Variants in BMF observed in about 807,000 individuals in gnomAD.
The protein encoded by BMF is Bcl2 modifying factor, also known as bcl-2-modifying factor.
BMF carries 10 observed loss-of-function variants against 22.0 expected under a neutral mutation model. That is an observed-to-expected ratio of 0.45 (90% CI 0.28 to 0.77). The LOEUF (loss-of-function observed/expected upper bound fraction) is 0.77. BMF is among the 30% of genes least tolerant of loss of function. The pLI, the probability that BMF is intolerant of heterozygous loss-of-function variation, is 0.13. For missense variants in BMF, 206 were observed against 226.8 expected (o/e 0.91, Z 0.59); for synonymous variants, 87 against 88.1 (o/e 0.99, Z 0.07).
At chr15:40,105,043 G>T (rs888151786) in intron 3 of BMF, among the ~76,000 whole-genome samples, 3 of 152,138 alleles carry the variant, frequency 2.0e-5, no homozygotes, top group Non-Finnish European at 4.4e-5. Context: ...TCAGACTCCC[G>T]CCAGAACTGC....
chr15:40,094,554 G>A (rs1003148015), intron 4 of BMF, among the ~76,000 whole-genome samples: 17 of 152,222 alleles, frequency 1.1e-4, no homozygotes, highest in Middle Eastern at 3.4e-3. Flanking sequence ...TTCTCTCTTG[G>A]CTTATAAGGA....
chr15:40,090,866 C>T lies in BMF; in HGVS notation c.*921G>A, dbSNP rs780255669. 1 of 152,264 alleles carries T rather than the reference C, an allele frequency of 6.6e-6. No homozygotes were observed. Among genetic ancestry groups the T allele is most frequent in the African/African-American group, 2.4e-5 (1 of 41,432 alleles). The allele number at this position is 152,264 out of a possible 1,614,324, so 9.4% of individuals were successfully genotyped here. Reference sequence around the variant, plus strand: ...TCCGGCCCCACTGCAAACTTGCCCCCGATGTCCCTCAGTGCCGATGTTGGG... The same window carrying T: ...TCCGGCCCCACTGCAAACTTGCCCCTGATGTCCCTCAGTGCCGATGTTGGG... On this transcript the variant is annotated 3_prime_UTR_variant, in exon 5 of 5. Coordinates refer to ENST00000354670, the MANE Select transcript of BMF (RefSeq NM_001003940.2).
At chr15:40,099,684 C>T (rs902300952) in intron 4 of BMF, among the ~76,000 whole-genome samples, 5 of 147,604 alleles carry the variant, frequency 3.4e-5, no homozygotes, top group Non-Finnish European at 7.4e-5. Context: ...GAGGCTGAGG[C>T]AGGACAATCA....
Position 40,106,098 on chromosome 15 carries a change from G to C in BMF, c.-5-7C>G. ...TGAGATGGCTCCATCTCTCCTGTGA[G>C]GGGGCAACGCAGGCATCTGGGCTGC... On this transcript the variant is annotated splice_polypyrimidine_tract_variant and splice_region_variant and intron_variant, in intron 2 of 4. Coordinates refer to ENST00000354670, the MANE Select transcript of BMF (RefSeq NM_001003940.2). The surrounding 1 kb of genome is among the most constrained non-coding windows in gnomAD (Gnocchi z 4.1). 1 of 1,583,758 alleles carries C rather than the reference G, an allele frequency of 6.3e-7. No homozygotes were observed. The highest frequency in any genetic ancestry group is 2.2e-5 in the East Asian group (1 of 44,526).
intron 4 of BMF, among the ~76,000 whole-genome samples, chr15:40,095,024 C>A (rs78978434): frequency 3.3e-5 from 5 of 152,192 alleles, no homozygotes; most frequent in Non-Finnish European, 7.3e-5. Flanking sequence ...CTCTCCAACC[C>A]TAAGGAGTTT....
intron 3 of BMF, among the ~76,000 whole-genome samples, chr15:40,105,448 G>T (rs1387876442): frequency 6.6e-6 from 1 of 152,148 alleles, no homozygotes; most frequent in African/African-American, 2.4e-5. Context: ...ATTGTCAACA[G>T]CCAGTCACAG....
chr15:40,103,387 G>A lies in BMF; in HGVS notation c.453+793C>T, dbSNP rs150736909. Among the ~76,000 whole-genome samples the A allele has an allele frequency of 2.0e-3, 310 of 152,360 alleles. 1 individual carries two copies. The highest frequency in any genetic ancestry group is 7.3e-3 in the African/African-American group (303 of 41,580). The stretch of plus-strand genomic sequence containing the variant: ...CCAGAAAGCCAGCCCGAAGAGGAAG[G>A]GTTAAGTGCCTGGGGACCCAGCCCA... On this transcript the variant is annotated intron_variant, in intron 4 of 4. Coordinates refer to ENST00000354670, the MANE Select transcript of BMF (RefSeq NM_001003940.2).
At position 40,091,458 on chromosome 15, in the gene BMF, T is replaced by C. The variant is rs1234884812; in HGVS notation, c.*329A>G. 2 of 228,312 alleles carry C rather than the reference T, an allele frequency of 8.8e-6. No homozygotes were observed. The highest frequency in any genetic ancestry group is 8.7e-6 in the Non-Finnish European group (1 of 115,508). The allele number at this position is 228,312 out of a possible 1,614,324, so 14.1% of individuals were successfully genotyped here. A position where few individuals can be genotyped will look rare whatever the true frequency, so the allele number is the denominator to read the frequency against. ...ACCACAGTCCACTTCCCAGAGAACA[T>C]CACTAACGGATCATCTTCGACAACT... On this transcript the variant is annotated 3_prime_UTR_variant, in exon 5 of 5. Transcript: ENST00000354670.
intron 4 of BMF, among the ~76,000 whole-genome samples, chr15:40,097,641 T>A (rs1289728289): frequency 6.6e-6 from 1 of 152,182 alleles, no homozygotes; most frequent in Non-Finnish European, 1.5e-5. Flanking sequence ...CAGTTTCCTA[T>A]AACACAGTGG....
intron 4 of BMF, among the ~76,000 whole-genome samples, chr15:40,103,821 G>A (rs541588056): frequency 2.6e-5 from 4 of 152,290 alleles, no homozygotes; most frequent in African/African-American, 9.6e-5. Context: ...TGCAGCACCC[G>A]GAAAATCTTC....
At chr15:40,097,166 A>G (rs1469628847) in intron 4 of BMF, among the ~76,000 whole-genome samples, 1 of 151,524 alleles carries the variant, frequency 6.6e-6, no homozygotes, top group Non-Finnish European at 1.5e-5. Context: ...CAACTGAGCT[A>G]TCAAGCACCC....
At chr15:40,092,787 G>T (rs1054067942) in intron 4 of BMF, among the ~76,000 whole-genome samples, 4 of 152,076 alleles carry the variant, frequency 2.6e-5, no homozygotes, top group African/African-American at 4.8e-5. Context: ...GAGAGGCCTG[G>T]GGGGGTGGAA....
chr15:40,095,553 G>C (rs950979188), intron 4 of BMF, among the ~76,000 whole-genome samples: 2 of 152,178 alleles, frequency 1.3e-5, no homozygotes, highest in African/African-American at 4.8e-5. Context: ...AACAAGGGCA[G>C]ATCCCCAGAA....
At chr15:40,108,484 G>A (rs183495360) in intron 1 of BMF, 98 bp from the exon 2 acceptor site, 11 of 152,734 alleles carry the variant, frequency 7.2e-5, no homozygotes, top group Non-Finnish European at 1.0e-4. Flanking sequence ...GGCCGTTCTC[G>A]GGCGCCCAGG....
At chr15:40,098,969 G>T (rs2036420932) in intron 4 of BMF, among the ~76,000 whole-genome samples, 1 of 152,192 alleles carries the variant, frequency 6.6e-6, no homozygotes, top group African/African-American at 2.4e-5. Context: ...AGCAAACACA[G>T]GGCCCCCAGC....
chr15:40,102,416 C>CA (rs71132141), intron 4 of BMF, among the ~76,000 whole-genome samples: 8,371 of 95,412 alleles, frequency 0.088, 336 homozygotes, highest in South Asian at 0.16. Context: ...GCGAAAGAGC[C>CA]AAAAAAAAAA....
intron 4 of BMF, among the ~76,000 whole-genome samples, chr15:40,097,182 AGC>A (rs2036380070): frequency 6.3e-4 from 1 of 1,584 alleles, no homozygotes. Context: ...CACCCAACTG[AGC>A]TACCAAGCAC....
chr15:40,095,142 G>A (rs1466772215), intron 4 of BMF, among the ~76,000 whole-genome samples: 2 of 152,184 alleles, frequency 1.3e-5, no homozygotes, highest in Non-Finnish European at 2.9e-5. Flanking sequence ...GCCCTCTCTG[G>A]CTACAAGCAG....
At position 40,106,064 on chromosome 15, in the gene BMF, T is replaced by C; in HGVS notation, c.23A>G (p.Glu8Gly). 6.2e-7 allele frequency: 1 copy of C among 1,609,048 alleles called. No homozygotes were observed. Among genetic ancestry groups the C allele is most frequent in the Non-Finnish European group, 8.5e-7 (1 of 1,177,664 alleles). The change falls in exon 3 of 5, where the codon GAG becomes GGG. Residue 8 changes from glutamate (E) to glycine (G), a missense_variant. Glu to Gly is a moderately conservative substitution (Grantham distance 98). Transcript: ENST00000354670. This position sits in a 1 kb window ranked among gnomAD's most constrained non-coding sequence, Gnocchi z 4.1. MEPSQCVEELEDDVFQPE... is the reference protein window; with the variant it reads MEPSQCVGELEDDVFQPE... Reference sequence around the variant, plus strand: ...TTGGAACACATCATCCTCCAGCTCCTCCACACACTGAGATGGCTCCATCTC... The same window carrying C: ...TTGGAACACATCATCCTCCAGCTCCCCCACACACTGAGATGGCTCCATCTC...
Sources: gnomAD v4.1 joint callset for allele counts (sites outside exome capture counted in the v4.1 genomes callset) on GRCh38, gnomAD v4.1.1 for gene constraint, Gnocchi (gnomAD v3.1) non-coding constraint, MANE v1.5 for transcripts, NCBI Gene and HGNC (gene_info 2026-07-23, HGNC 2026-07-21) for gene names.